The following VWDE variants were observed in gnomAD, a reference collection of about 807,000 sequenced individuals.
VWDE encodes von Willebrand factor D and EGF domains.
A neutral mutation model predicts 178.4 loss-of-function variants in VWDE; 207 were observed. That is an observed-to-expected ratio of 1.16 (90% confidence interval 1.04 to 1.30). VWDE has a LOEUF of 1.30. Ranked by LOEUF, VWDE falls within the 50% of genes most tolerant of loss-of-function variation. The probability of loss-of-function intolerance (pLI) is 0.00; values close to 1 mark genes in which losing one functional copy is unlikely to be tolerated. For missense variants in VWDE, 2,287 were observed against 1,901.3 expected (o/e 1.20, Z -3.77); for synonymous variants, 738 against 651.4 (o/e 1.13, Z -2.02).
chr7:12,334,404 TAC>T (rs1372277974), intron 27 of VWDE, among the ~76,000 whole-genome samples: 1 of 152,114 alleles, frequency 6.6e-6, no homozygotes, highest in Admixed American at 6.6e-5. Flanking sequence ...ACTTGAAGCT[TAC>T]ACATTCAAGA....
rs201785224 is a variant in VWDE at position 12,336,141 on chromosome 7, G to A, written c.4654C>T (p.Pro1552Ser). Residue 1552 changes from proline (P) to serine (S), a missense_variant and splice_region_variant, in exon 27 of 29, where the codon CCA (proline) becomes TCA (serine). Coordinates refer to ENST00000275358, the MANE Select transcript of VWDE (RefSeq NM_001135924.3). ...TAGGAAAAACATCCTGTGGGCTTAC[G>A]TATTTGACACCGCACTCCTTCCCAG... ...SSWEGVRCQIPICNPKCLYGG... is the reference protein window; with the variant it reads ...SSWEGVRCQISICNPKCLYGG... The A allele has an allele frequency of 9.0e-5, 139 of 1,549,472 alleles. 1 individual carries two copies. Among genetic ancestry groups the A allele is most frequent in the African/African-American group, 3.1e-4 (23 of 73,034 alleles).
chr7:12,340,187 A>T, intron 24 of VWDE, 135 bp downstream of exon 24: 1 of 651,410 alleles, frequency 1.5e-6, no homozygotes, highest in Middle Eastern at 3.0e-4. Flanking sequence ...TTTGGTGGGC[A>T]TACTTGAAAC....
Position 12,340,356 on chromosome 7 carries a change from A to T in VWDE, c.4332T>A (p.Cys1444Ter), listed in dbSNP as rs1484180008. 8.4e-6 allele frequency: 13 copies of T among 1,551,534 alleles called. No homozygotes were observed. In the Admixed American group the frequency reaches 2.5e-4, roughly 30 times the overall value. The change falls in exon 24 of 29, where the codon TGT becomes TGA. Residue 1444 changes from cysteine to a stop codon, truncating the protein, a stop_gained. Transcript: ENST00000275358. LOFTEE classifies it high-confidence loss of function. ...GSCNKPNTCL[C>*]PNGFFGEHCQ... The stretch of plus-strand genomic sequence containing the variant: ...AGTGTTCCCCAAAGAATCCATTTGG[A>T]CAGAGGCAAGTATTTGGCTTATTAC...
At chr7:12,360,422 G>C (rs201160747) in intron 15 of VWDE, among the ~76,000 whole-genome samples, 2 of 151,980 alleles carry the variant, frequency 1.3e-5, no homozygotes, top group African/African-American at 4.8e-5. Context: ...TGGAATATTT[G>C]GGAAAAATAA....
chr7:12,332,533 T>C (rs10265056), intron 28 of VWDE, among the ~76,000 whole-genome samples: 4,136 of 152,222 alleles, frequency 0.027, 175 homozygotes, highest in African/African-American at 0.094. Flanking sequence ...TTCTGTGCCA[T>C]AAAAATCTCA....
chr7:12,379,200 C>A (rs139171350), intron 6 of VWDE, among the ~76,000 whole-genome samples: 1 of 152,150 alleles, frequency 6.6e-6, no homozygotes, highest in African/African-American at 2.4e-5. Flanking sequence ...TTTCGTTACA[C>A]GATGGAATGA....
chr7:12,344,104 C>G (rs1228661182), intron 21 of VWDE, 91 bp downstream of exon 21: 4 of 986,202 alleles, frequency 4.1e-6, no homozygotes, highest in African/African-American at 1.6e-5. Flanking sequence ...AATATATACA[C>G]AGTAAAACTG....
chr7:12,340,979 C>A (rs950208926), intron 23 of VWDE, among the ~76,000 whole-genome samples: 2 of 152,086 alleles, frequency 1.3e-5, no homozygotes, highest in African/African-American at 4.8e-5. Flanking sequence ...TTTTATTTTT[C>A]ACCCTAGATC....
chr7:12,337,650 C>A (rs555703326), intron 24 of VWDE, among the ~76,000 whole-genome samples: 8 of 152,242 alleles, frequency 5.3e-5, no homozygotes, highest in African/African-American at 1.2e-4. Flanking sequence ...GGAAATTAGA[C>A]AAATCTCAAC....
chr7:12,389,345 C>G lies in VWDE; in HGVS notation c.257G>C (p.Gly86Ala). 6.5e-7 allele frequency: 1 copy of G among 1,543,096 alleles called. No homozygotes were observed. Among genetic ancestry groups the G allele is most frequent in the Non-Finnish European group, 8.8e-7 (1 of 1,139,900 alleles). ...PTKCVEMNHC[G>A]TQAPIWLSLR... The stretch of plus-strand genomic sequence containing the variant: ...AGACAGCCAGATGGGGGCCTGAGTT[C>G]CACAATGGTTCATCTTTTGCAGGAG... The change falls in exon 3 of 29, where the codon GGA (glycine) becomes GCA (alanine). Residue 86 changes from glycine to alanine, a missense_variant. By Grantham distance (60) the Gly-to-Ala change is moderately conservative. Transcript: ENST00000275358.
At chr7:12,390,191 G>A (rs1310736415) in intron 2 of VWDE, among the ~76,000 whole-genome samples, 1 of 150,620 alleles carries the variant, frequency 6.6e-6, no homozygotes, top group East Asian at 1.9e-4. Context: ...AAGAAAGAAA[G>A]TTTAAACCTC....
intron 22 of VWDE, 105 bp from the exon 23 acceptor site, chr7:12,342,259 T>C: frequency 4.1e-6 from 3 of 726,678 alleles, no homozygotes; most frequent in South Asian, 2.4e-5. Context: ...TGCTAATTAA[T>C]AAGATTGCAG....
chr7:12,366,243 G>C (rs1040576833), intron 13 of VWDE, among the ~76,000 whole-genome samples: 1 of 152,036 alleles, frequency 6.6e-6, no homozygotes, highest in Admixed American at 6.6e-5. Flanking sequence ...ATACAGTTCT[G>C]TATAGTGTGT....
intron 22 of VWDE, among the ~76,000 whole-genome samples, chr7:12,342,637 TTTTATTTA>T (rs200288136): frequency 2.0e-5 from 3 of 151,432 alleles, no homozygotes; most frequent in Admixed American, 6.6e-5. Flanking sequence ...GATAAATCTA[TTTTATTTA>T]TTTATTTATT....
At position 12,375,051 on chromosome 7, in the gene VWDE, C is replaced by T. The variant is rs1424447324; in HGVS notation, c.1201G>A (p.Glu401Lys). The change falls in exon 8 of 29, where the codon GAG (glutamate) becomes AAG (lysine). Residue 401 changes from glutamate (E) to lysine (K), a missense_variant. By Grantham distance (56) the Glu-to-Lys change is moderately conservative (BLOSUM62 1). Transcript: ENST00000275358. Reference protein sequence around the residue: ...SNIVVQPIVNEDFLWNNYIPD... With the variant: ...SNIVVQPIVNKDFLWNNYIPD... ...ATGTAGTTGTTCCACAGGAAATCCT[C>T]ATTAACTATTGGTTGCACTACAATG... The T allele has an allele frequency of 6.4e-7, 1 of 1,551,304 alleles. No individual in the cohort carries two copies. Among genetic ancestry groups the T allele is most frequent in the Admixed American group, 2.0e-5 (1 of 50,976 alleles).
intron 2 of VWDE, among the ~76,000 whole-genome samples, chr7:12,390,831 C>T (rs1784351667): frequency 6.6e-6 from 1 of 151,894 alleles, no homozygotes; most frequent in Non-Finnish European, 1.5e-5. Flanking sequence ...AAATGAACAA[C>T]TATATGTATC....
intron 13 of VWDE, among the ~76,000 whole-genome samples, chr7:12,364,591 T>C (rs1339978434): frequency 6.6e-6 from 1 of 152,110 alleles, no homozygotes; most frequent in Non-Finnish European, 1.5e-5. Context: ...TAGTCTACAC[T>C]GGCATGAGTA....
At chr7:12,349,209 TA>T (rs1781790240) in intron 19 of VWDE, among the ~76,000 whole-genome samples, 2 of 150,734 alleles carry the variant, frequency 1.3e-5, no homozygotes, top group Non-Finnish European at 3.0e-5. Flanking sequence ...ACATGTACCC[TA>T]AAACTTAAAG....
chr7:12,378,484 C>A (rs1783662603), intron 6 of VWDE, among the ~76,000 whole-genome samples: 1 of 152,170 alleles, frequency 6.6e-6, no homozygotes, highest in South Asian at 2.1e-4. Flanking sequence ...ACAGGCCAAA[C>A]CTTTTTTGAG....
Sources: gnomAD v4.1 joint callset for allele counts (sites outside exome capture counted in the v4.1 genomes callset) on GRCh38, gnomAD v4.1.1 for gene constraint, MANE v1.5 for transcripts, NCBI Gene and HGNC (gene_info 2026-07-23, HGNC 2026-07-21) for gene names.